The following RANBP2 variants were observed in gnomAD, a reference collection of about 807,000 sequenced individuals.
The protein encoded by RANBP2 is E3 SUMO-protein ligase RanBP2.
Under a neutral mutation model 303.6 loss-of-function variants are expected in RANBP2, and 57 were observed. The ratio of observed to expected loss-of-function variants is 0.19; its 90% CI spans 0.15 to 0.23. The LOEUF (loss-of-function observed/expected upper bound fraction) is 0.23, where lower values mean the gene tolerates loss of function less well. Ranked by LOEUF, RANBP2 falls within the 10% of genes least tolerant of loss-of-function variation. RANBP2 has a pLI of 1.00. For synonymous variants in RANBP2, 1,167 were observed against 1,301.5 expected, an observed-to-expected ratio of 0.90 and a Z score of 2.23; for missense variants, 3,138 against 3,780.8, an observed-to-expected ratio of 0.83 and a Z score of 4.46.
At chr2:109,563,288 T>C in the RANBP2 span, among the ~76,000 whole-genome samples, 3 of 152,170 alleles carry the variant, frequency 2.0e-5, no homozygotes, top group Non-Finnish European at 1.5e-5. Flanking sequence ...TGAAGAAATT[T>C]AAAAATTTAA....
the RANBP2 span, among the ~76,000 whole-genome samples, chr2:108,840,818 A>AT: frequency 8.8e-6 from 1 of 113,782 alleles, no homozygotes; most frequent in East Asian, 2.1e-4. Flanking sequence ...TTTTCTTTTT[A>AT]TTTTTTTGAG....
At chr2:108,794,819 T>A in the RANBP2 span, 1 of 963,164 alleles carries the variant, frequency 1.0e-6, no homozygotes, top group Non-Finnish European at 1.5e-6. Flanking sequence ...TTTTAATTAC[T>A]TTAGATAAGT....
the RANBP2 span, among the ~76,000 whole-genome samples, chr2:109,058,633 C>T: frequency 2.0e-5 from 3 of 152,258 alleles, no homozygotes; most frequent in Non-Finnish European, 2.9e-5. Context: ...TCTGCTGCCA[C>T]TCTGCAGCTG....
the RANBP2 span, among the ~76,000 whole-genome samples, chr2:109,197,937 T>A: frequency 1.3e-5 from 2 of 152,206 alleles, no homozygotes; most frequent in Non-Finnish European, 2.9e-5. Flanking sequence ...TTGGGCAGCC[T>A]TGGTTATTTG....
the RANBP2 span, among the ~76,000 whole-genome samples, chr2:109,629,318 T>G: frequency 0.042 from 120 of 2,872 alleles, 5 homozygotes; most frequent in Middle Eastern, 0.1. Flanking sequence ...TATATATATA[T>G]ATATATATAT....
At chr2:109,004,587 C>T in the RANBP2 span, among the ~76,000 whole-genome samples, 1 of 152,202 alleles carries the variant, frequency 6.6e-6, no homozygotes, top group South Asian at 2.1e-4. Context: ...GGTTCCACCA[C>T]TGCAAAGGCA....
the RANBP2 span, among the ~76,000 whole-genome samples, chr2:109,411,739 C>T: frequency 4.8e-3 from 729 of 152,312 alleles, 4 homozygotes; most frequent in African/African-American, 0.017. Flanking sequence ...CACACGGGAG[C>T]CACGCTCAGC....
the RANBP2 span, among the ~76,000 whole-genome samples, chr2:109,472,869 C>A: frequency 6.6e-6 from 1 of 152,178 alleles, no homozygotes; most frequent in Non-Finnish European, 1.5e-5. Context: ...TCAGACATAT[C>A]CCAGGGCAGA....
At chr2:108,796,205 C>T in the RANBP2 span, among the ~76,000 whole-genome samples, 6 of 152,006 alleles carry the variant, frequency 3.9e-5, no homozygotes, top group East Asian at 1.9e-4. Context: ...CCTGCCACCG[C>T]GCCCGGCTAA....
chr2:109,114,541 T>C, the RANBP2 span, among the ~76,000 whole-genome samples: 1 of 152,030 alleles, frequency 6.6e-6, no homozygotes, highest in Non-Finnish European at 1.5e-5. Context: ...TTATTAGTCT[T>C]GCTAGCGGTC....
At chr2:109,536,765 G>A in the RANBP2 span, among the ~76,000 whole-genome samples, 1 of 152,142 alleles carries the variant, frequency 6.6e-6, no homozygotes, top group East Asian at 1.9e-4. Flanking sequence ...ATTGTGGGAG[G>A]AAACAGTGGG....
chr2:109,648,411 T>C, the RANBP2 span, among the ~76,000 whole-genome samples: 5 of 151,928 alleles, frequency 3.3e-5, no homozygotes, highest in Non-Finnish European at 7.4e-5. Flanking sequence ...GAATGCATGA[T>C]GCAATCTCGG....
chr2:109,079,447 G>A, the RANBP2 span, among the ~76,000 whole-genome samples: 1 of 152,110 alleles, frequency 6.6e-6, no homozygotes, highest in South Asian at 2.1e-4. Flanking sequence ...TACTGTTCGG[G>A]GAGTTGGTGC....
the RANBP2 span, among the ~76,000 whole-genome samples, chr2:109,363,144 T>C: frequency 3.3e-5 from 5 of 152,176 alleles, no homozygotes; most frequent in African/African-American, 1.2e-4. Flanking sequence ...TTTTCCTGTC[T>C]TTCACTCTTT....
At chr2:109,743,096 C>A in the RANBP2 span, among the ~76,000 whole-genome samples, 14 of 147,542 alleles carry the variant, frequency 9.5e-5, no homozygotes, top group Non-Finnish European at 1.6e-4. Flanking sequence ...CATAGAGAGA[C>A]CCCCTGTCTA....
chr2:108,938,246 CGAT>C, the RANBP2 span, among the ~76,000 whole-genome samples: 2 of 152,154 alleles, frequency 1.3e-5, no homozygotes, highest in Admixed American at 6.5e-5. Context: ...AAACCAGTGA[CGAT>C]GATAATTTCT....
At chr2:108,938,443 G>A in the RANBP2 span, among the ~76,000 whole-genome samples, 26 of 152,190 alleles carry the variant, frequency 1.7e-4, no homozygotes, top group Non-Finnish European at 3.8e-4. Flanking sequence ...TGCATTTCCC[G>A]CAGTTTGTGG....
chr2:109,197,779 AG>A, the RANBP2 span, among the ~76,000 whole-genome samples: 1 of 152,252 alleles, frequency 6.6e-6, no homozygotes, highest in African/African-American at 2.4e-5. Flanking sequence ...TGCCTGAGGA[AG>A]CCTGGCATGA....
At chr2:109,434,219 C>G in the RANBP2 span, among the ~76,000 whole-genome samples, 1 of 152,222 alleles carries the variant, frequency 6.6e-6, no homozygotes, top group Non-Finnish European at 1.5e-5. Context: ...GGCGGGTGTC[C>G]ACACCTCTGG....
Sources: allele counts gnomAD v4.1 joint callset (sites outside exome capture counted in the v4.1 genomes callset), GRCh38; gene constraint gnomAD v4.1.1; transcripts MANE v1.5; gene names NCBI Gene and HGNC (gene_info 2026-07-23, HGNC 2026-07-21).